Variants in ME2 observed in about 807,000 individuals in gnomAD.
The protein encoded by ME2 is NAD-dependent malic enzyme, mitochondrial.
Under a neutral mutation model 73.7 loss-of-function variants are expected in ME2, and 60 were observed. The ratio of observed to expected loss-of-function variants is 0.81; its 90% CI spans 0.66 to 1.01. The LOEUF (loss-of-function observed/expected upper bound fraction) is 1.01. ME2 is among the 50% of genes least tolerant of loss of function. ME2 has a pLI of 0.00. For missense variants in ME2, 594 were observed against 705.5 expected, an observed-to-expected ratio of 0.84 and a Z score of 1.79; for synonymous variants, 199 against 236.9, an observed-to-expected ratio of 0.84 and a Z score of 1.47.
intron 2 of ME2, 105 bp from the exon 3 acceptor site, chr18:50,907,958 A>G (rs1776885906): frequency 1.2e-6 from 1 of 836,804 alleles, no homozygotes; most frequent in Non-Finnish European, 1.8e-6. Context: ...CAAAAATAAT[A>G]TGTCATTGAT....
intron 15 of ME2, among the ~76,000 whole-genome samples, 163 bp downstream of exon 15, chr18:50,940,549 G>T (rs1454354679): frequency 6.6e-6 from 1 of 152,178 alleles, no homozygotes; most frequent in African/African-American, 2.4e-5. Flanking sequence ...ATTATTTTGG[G>T]TTTGTTGCCT....
intron 2 of ME2, among the ~76,000 whole-genome samples, chr18:50,904,463 T>A (rs1328032179): frequency 1.3e-5 from 2 of 152,008 alleles, no homozygotes; most frequent in Non-Finnish European, 2.9e-5. Context: ...TTTGTATTTT[T>A]AGTAGAGATG....
chr18:50,911,940 A>C (rs1247682175), intron 3 of ME2, among the ~76,000 whole-genome samples: 1 of 152,210 alleles, frequency 6.6e-6, no homozygotes, highest in Non-Finnish European at 1.5e-5. Context: ...CTTTTGAGGT[A>C]AATCAGCTGA....
intron 1 of ME2, among the ~76,000 whole-genome samples, chr18:50,888,678 G>T (rs746558559): frequency 2.0e-5 from 3 of 151,986 alleles, no homozygotes; most frequent in Non-Finnish European, 4.4e-5. Context: ...TTAGAATAAA[G>T]CACTATTTAG....
intron 2 of ME2, among the ~76,000 whole-genome samples, chr18:50,899,923 G>C (rs1445099993): frequency 6.6e-6 from 1 of 152,152 alleles, no homozygotes; most frequent in Admixed American, 6.5e-5. Context: ...AAACAGATGA[G>C]CAAATAGGAA....
At chr18:50,939,456 G>A (rs540638715) in intron 13 of ME2, 114 bp from the exon 14 acceptor site, 6 of 621,430 alleles carry the variant, frequency 9.7e-6, no homozygotes, top group African/African-American at 5.6e-5. Flanking sequence ...TTTCTGTTTG[G>A]GGGGAGCTGT....
intron 15 of ME2, among the ~76,000 whole-genome samples, chr18:50,943,613 AATTT>A (rs1224665114): frequency 6.6e-6 from 1 of 151,952 alleles, no homozygotes; most frequent in Non-Finnish European, 1.5e-5. Context: ...TTTGACTATT[AATTT>A]TATTATTACA....
intron 13 of ME2, among the ~76,000 whole-genome samples, chr18:50,936,891 A>G (rs1036179397): frequency 2.0e-5 from 3 of 152,168 alleles, no homozygotes; most frequent in Non-Finnish European, 4.4e-5. Flanking sequence ...TGGTCGTGCC[A>G]CAGCACTGTA....
At position 50,951,866 on chromosome 18, in the gene ME2, CAAAAAAAAAAAAAAAAAAAAAAA is replaced by C. The variant is rs757175835; in HGVS notation, c.*4697_*4719del. ...TGGGCGACAGAGTGAGCCTCCATCT[CAAAAAAAAAAAAAAAAAAAAAAA>C]AAAAAAAAAAAAAATCTCCAGGGTT... On this transcript the variant is annotated 3_prime_UTR_variant, in exon 16 of 16. Coordinates refer to ENST00000321341, the MANE Select transcript of ME2 (RefSeq NM_002396.5). 1 of 71,342 alleles carries C rather than the reference CAAAAAAAAAAAAAAAAAAAAAAA, an allele frequency of 1.4e-5. No individual in the cohort carries two copies. The highest frequency in any genetic ancestry group is 2.6e-5 in the Non-Finnish European group (1 of 38,258). 4.4% of individuals were successfully genotyped at this position (71,342 alleles called of 1,614,324 possible).
intron 1 of ME2, among the ~76,000 whole-genome samples, chr18:50,879,933 T>C (rs1224460469): frequency 6.6e-6 from 1 of 152,242 alleles, no homozygotes; most frequent in South Asian, 2.1e-4. Context: ...GTTTCGACTT[T>C]CTTTTTTGGT....
intron 1 of ME2, among the ~76,000 whole-genome samples, chr18:50,885,670 A>G (rs1417536707): frequency 2.6e-5 from 4 of 151,896 alleles, no homozygotes; most frequent in Admixed American, 6.6e-5. Context: ...GCTACTTGGT[A>G]TATATATATA....
intron 15 of ME2, among the ~76,000 whole-genome samples, chr18:50,943,351 GT>G (rs1469871163): frequency 1.3e-5 from 2 of 151,554 alleles, no homozygotes; most frequent in African/African-American, 2.4e-5. Context: ...CCAGGTTGGA[GT>G]GCAGCGACGT....
At chr18:50,889,803 T>C (rs894560327) in intron 1 of ME2, among the ~76,000 whole-genome samples, 8 of 152,210 alleles carry the variant, frequency 5.3e-5, no homozygotes, top group African/African-American at 1.9e-4. Context: ...ATTATTCTTA[T>C]TTGGCAATGC....
chr18:50,885,033 T>G (rs1447632518), intron 1 of ME2, among the ~76,000 whole-genome samples: 2 of 152,092 alleles, frequency 1.3e-5, no homozygotes, highest in Non-Finnish European at 2.9e-5. Flanking sequence ...TTTTTGTGTT[T>G]TTAGTAGAGA....
intron 1 of ME2, among the ~76,000 whole-genome samples, chr18:50,882,835 G>C (rs958814677): frequency 1.1e-4 from 16 of 152,120 alleles, no homozygotes; most frequent in African/African-American, 3.9e-4. Context: ...TATAATCCCA[G>C]CTACTCAGTA....
chr18:50,939,478 A>C, intron 13 of ME2, 92 bp from the exon 14 acceptor site: 4 of 814,116 alleles, frequency 4.9e-6, no homozygotes, highest in South Asian at 4.8e-5. Flanking sequence ...TGCGATGTGG[A>C]TGGATTACCA....
At chr18:50,891,706 A>G (rs1332621115) in intron 1 of ME2, among the ~76,000 whole-genome samples, 4 of 152,148 alleles carry the variant, frequency 2.6e-5, no homozygotes, top group Non-Finnish European at 5.9e-5. Context: ...ACAGTGAAGG[A>G]TGGTGTGTAT....
At chr18:50,942,471 T>A (rs1917987487) in intron 15 of ME2, among the ~76,000 whole-genome samples, 1 of 152,170 alleles carries the variant, frequency 6.6e-6, no homozygotes, top group Non-Finnish European at 1.5e-5. Context: ...TTTTTAATTT[T>A]AAAAAACTCT....
At chr18:50,927,656 C>T (rs568466086) in intron 12 of ME2, among the ~76,000 whole-genome samples, 9 of 146,082 alleles carry the variant, frequency 6.2e-5, no homozygotes, top group East Asian at 2.0e-4. Context: ...GAGCCGAGAT[C>T]GCACCACTGC....
Sources: gnomAD v4.1 joint callset for allele counts (sites outside exome capture counted in the v4.1 genomes callset) on GRCh38, gnomAD v4.1.1 for gene constraint, MANE v1.5 for transcripts, NCBI Gene and HGNC (gene_info 2026-07-23, HGNC 2026-07-21) for gene names.